Variants in FOLH1 observed in about 807,000 individuals in gnomAD.
The protein encoded by FOLH1 is glutamate carboxypeptidase 2.
In FOLH1, 54 loss-of-function variants were observed where a neutral mutation model predicts 93.9. That is an observed-to-expected ratio of 0.57 (90% confidence interval 0.46 to 0.72). FOLH1 has a LOEUF of 0.72. Among genes scored for constraint, FOLH1 ranks in the 30% least tolerant of loss-of-function variants. The pLI, the probability that FOLH1 is intolerant of heterozygous loss-of-function variation, is 0.00. For missense variants in FOLH1, 571 were observed against 892.5 expected, an observed-to-expected ratio of 0.64 and a Z score of 4.59; for synonymous variants, 249 against 303.6, an observed-to-expected ratio of 0.82 and a Z score of 1.87.
Position 49,206,048 on chromosome 11 carries a change from C to T in FOLH1, c.224+19G>A, listed in dbSNP as rs1863891434. ...TTTTCTAACAACTTGTCCATATAAA[C>T]TTTCGAGGATGTACTTACTATAAGA... On this transcript the variant is annotated intron_variant, in intron 2 of 18. Coordinates refer to ENST00000256999, the MANE Select transcript of FOLH1 (RefSeq NM_004476.3). 5 of 1,598,340 alleles carry T rather than the reference C, an allele frequency of 3.1e-6. No individual in the cohort carries two copies. The highest frequency in any genetic ancestry group is 2.3e-5 in the South Asian group (2 of 87,744).
At chr11:49,167,481 A>C (rs1858550299) in intron 12 of FOLH1, among the ~76,000 whole-genome samples, 1 of 152,316 alleles carries the variant, frequency 6.6e-6, no homozygotes, top group Admixed American at 6.5e-5. Context: ...CACTGTGTAA[A>C]CTAACTTTCA....
intron 6 of FOLH1, among the ~76,000 whole-genome samples, chr11:49,184,369 A>G (rs1861138382): frequency 6.6e-6 from 1 of 152,200 alleles, no homozygotes; most frequent in South Asian, 2.1e-4. Context: ...TTAGCCCCAT[A>G]GAAATAACAT....
In FOLH1 at chr11:49,206,394, C is replaced by T. The variant is rs146419816; in HGVS notation, c.119-222G>A. ...AAACCAATTGCAAAATATTTCTTAT[C>T]CAACTTCAATGATAGGTATTGCTGT... On this transcript the variant is annotated intron_variant, in intron 1 of 18. Transcript: ENST00000256999. 1.6e-3 allele frequency: 1,364 copies of T among 833,424 alleles called. 18 individuals are homozygous for T. The African/African-American group carries it at 0.021, about 13-fold the overall frequency. The allele number at this position is 833,424 out of a possible 1,614,324, so 51.6% of individuals were successfully genotyped here.
At chr11:49,150,954 G>A (rs1856447447) in intron 17 of FOLH1, among the ~76,000 whole-genome samples, 1 of 152,102 alleles carries the variant, frequency 6.6e-6, no homozygotes, top group Non-Finnish European at 1.5e-5. Flanking sequence ...TTACTGTTCT[G>A]AATCTTTATA....
intron 7 of FOLH1, among the ~76,000 whole-genome samples, chr11:49,180,896 G>T (rs1307328620): frequency 2.0e-5 from 3 of 152,080 alleles, no homozygotes; most frequent in African/African-American, 7.2e-5. Flanking sequence ...TTGTAAAATG[G>T]CTTACAGAGG....
chr11:49,151,795 A>T (rs1418795262), intron 17 of FOLH1, among the ~76,000 whole-genome samples: 2 of 152,210 alleles, frequency 1.3e-5, no homozygotes, highest in African/African-American at 4.8e-5. Flanking sequence ...TGTCAGAGGG[A>T]GAAAACATTT....
intron 7 of FOLH1, among the ~76,000 whole-genome samples, chr11:49,179,350 T>C (rs1336723327): frequency 6.6e-6 from 1 of 152,226 alleles, no homozygotes; most frequent in East Asian, 1.9e-4. Context: ...CGAGCCTGGA[T>C]AAATTTAAAA....
chr11:49,159,701 A>G (rs1355323726), intron 13 of FOLH1, among the ~76,000 whole-genome samples: 2 of 152,158 alleles, frequency 1.3e-5, no homozygotes, highest in Admixed American at 1.3e-4. Context: ...TTCAATAGAA[A>G]TAGTACCAGC....
chr11:49,145,566 T>A lies in FOLH1; in HGVS notation c.*1190A>T, dbSNP rs1461561781. 6.6e-6 allele frequency among the ~76,000 whole-genome samples: 1 copy of A among 152,036 alleles called. No individual in the cohort carries two copies. The highest frequency in any genetic ancestry group is 2.4e-5 in the African/African-American group (1 of 41,392). On this transcript the variant is annotated 3_prime_UTR_variant, in exon 19 of 19. Transcript: ENST00000256999. ...GCCCAGAAGACAAGTTTCTGGGGAG[T>A]TCTGAAGTGTCAATTTGAAGCAGAT...
chr11:49,180,728 C>A (rs1860625270), intron 7 of FOLH1, among the ~76,000 whole-genome samples: 3 of 152,066 alleles, frequency 2.0e-5, no homozygotes, highest in Admixed American at 2.0e-4. Context: ...ACCATATGTT[C>A]TTTTAAACAA....
Position 49,145,470 on chromosome 11 carries a change from A to G in FOLH1, c.*1286T>C, listed in dbSNP as rs1221632507. 1.3e-5 allele frequency among the ~76,000 whole-genome samples: 2 copies of G among 152,150 alleles called. No individual in the cohort carries two copies. The highest frequency in any genetic ancestry group is 3.9e-4 in the East Asian group (2 of 5,192). On this transcript the variant is annotated 3_prime_UTR_variant, in exon 19 of 19. Transcript: ENST00000256999. Reference sequence around the variant, plus strand: ...CCAGCGGCCAAGAGCTTCTCCTGAAATTGTCCTTTGCCAAATTTGTAGTAG... The same window carrying G: ...CCAGCGGCCAAGAGCTTCTCCTGAAGTTGTCCTTTGCCAAATTTGTAGTAG...
chr11:49,205,136 G>A (rs1407390028), intron 2 of FOLH1, among the ~76,000 whole-genome samples: 10 of 151,942 alleles, frequency 6.6e-5, no homozygotes, highest in African/African-American at 2.2e-4. Flanking sequence ...CCTGGGAGGC[G>A]GAGGTTACAG....
intron 7 of FOLH1, among the ~76,000 whole-genome samples, chr11:49,178,442 T>G (rs1860356075): frequency 6.6e-6 from 1 of 152,156 alleles, no homozygotes; most frequent in Non-Finnish European, 1.5e-5. Flanking sequence ...TAGTCCATAT[T>G]TCCATAAAAC....
chr11:49,186,562 A>G lies in FOLH1; in HGVS notation c.639+82T>C, dbSNP rs944034931. The G allele has an allele frequency of 4.8e-6, 7 of 1,450,340 alleles. No homozygotes were observed. In the African/African-American group the frequency reaches 1.0e-4, roughly 21 times the overall value. The allele number at this position is 1,450,340 out of a possible 1,614,324, so 89.8% of individuals were successfully genotyped here. The stretch of plus-strand genomic sequence containing the variant: ...AAAATAATGGTATTCATAAAGTTTT[A>G]AGAAAATGATTCTACACATGTAAAA... On this transcript the variant is annotated intron_variant, in intron 5 of 18. Transcript: ENST00000256999.
At chr11:49,197,306 G>A (rs1176095302) in intron 3 of FOLH1, among the ~76,000 whole-genome samples, 2 of 152,132 alleles carry the variant, frequency 1.3e-5, no homozygotes, top group Non-Finnish European at 2.9e-5. Context: ...AGTAAGAAAA[G>A]TTTTTAATGT....
At chr11:49,161,343 C>T (rs1001953175) in intron 13 of FOLH1, among the ~76,000 whole-genome samples, 1 of 152,090 alleles carries the variant, frequency 6.6e-6, no homozygotes, top group Non-Finnish European at 1.5e-5. Flanking sequence ...GGACAGTAAG[C>T]TCTTCTTGTT....
chr11:49,154,581 G>T lies in FOLH1; in HGVS notation c.1624-89C>A. ...ATTTACTATTAGTATTAGTAAGATT[G>T]GTCAGTGATGGATCAAGGAAAGTAC... On this transcript the variant is annotated intron_variant, in intron 15 of 18. Transcript: ENST00000256999. 5.2e-6 allele frequency: 8 copies of T among 1,529,074 alleles called. No homozygotes were observed. The South Asian group carries it at 6.4e-5, about 12-fold the overall frequency. The allele number at this position is 1,529,074 out of a possible 1,614,324, so 94.7% of individuals were successfully genotyped here.
intron 17 of FOLH1, among the ~76,000 whole-genome samples, chr11:49,151,720 G>T: frequency 6.6e-6 from 1 of 152,126 alleles, no homozygotes; most frequent in East Asian, 1.9e-4. Flanking sequence ...CTAAAGGAAG[G>T]GGAAGCTGAG....
intron 15 of FOLH1, among the ~76,000 whole-genome samples, chr11:49,156,347 T>C (rs1376745234): frequency 3.3e-5 from 5 of 152,144 alleles, no homozygotes; most frequent in African/African-American, 7.2e-5. Flanking sequence ...TAATTTTGAA[T>C]GATAATGGGG....
Sources: allele counts gnomAD v4.1 joint callset (sites outside exome capture counted in the v4.1 genomes callset), GRCh38; gene constraint gnomAD v4.1.1; transcripts MANE v1.5; gene names NCBI Gene and HGNC (gene_info 2026-07-23, HGNC 2026-07-21).